The following ERC2 variants were observed in gnomAD, a reference collection of about 807,000 sequenced individuals.
ERC2 encodes ELKS/RAB6-interacting/CAST family member 2.
Under a neutral mutation model 114.8 loss-of-function variants are expected in ERC2, and 42 were observed. The ratio of observed to expected loss-of-function variants is 0.37; its 90% CI spans 0.29 to 0.47. The LOEUF (loss-of-function observed/expected upper bound fraction) is 0.47. Ranked by LOEUF, ERC2 falls within the 20% of genes least tolerant of loss-of-function variation. ERC2 has a pLI of 0.99. For synonymous variants in ERC2, 454 were observed against 425.5 expected (o/e 1.07, Z -0.82); for missense variants, 939 against 1,150.7 (o/e 0.82, Z 2.66).
chr3:56,282,088 C>T (rs1219008086), intron 3 of ERC2, among the ~76,000 whole-genome samples: 1 of 152,126 alleles, frequency 6.6e-6, no homozygotes. Context: ...TCACTTGAGA[C>T]CAAAGAGTAA....
At chr3:55,935,437 C>A (rs1400203356) in intron 13 of ERC2, among the ~76,000 whole-genome samples, 1 of 152,202 alleles carries the variant, frequency 6.6e-6, no homozygotes, top group African/African-American at 2.4e-5. Context: ...GCCCGGCACA[C>A]AGCAGGTGAC....
intron 16 of ERC2, among the ~76,000 whole-genome samples, chr3:55,691,686 T>C (rs1425971652): frequency 6.6e-6 from 1 of 150,566 alleles, no homozygotes; most frequent in East Asian, 1.9e-4. Flanking sequence ...ACTTTTCTTA[T>C]CAGGTTACTA....
At chr3:56,354,713 C>A (rs2058679076) in intron 2 of ERC2, among the ~76,000 whole-genome samples, 1 of 152,146 alleles carries the variant, frequency 6.6e-6, no homozygotes, top group Non-Finnish European at 1.5e-5. Flanking sequence ...CCTAAGTTCC[C>A]AAACACGGGA....
chr3:56,246,093 T>TAAAAAAAAAAA (rs34868223), intron 3 of ERC2, among the ~76,000 whole-genome samples: 1 of 127,626 alleles, frequency 7.8e-6, no homozygotes. Flanking sequence ...TCAGATTCTT[T>TAAAAAAAAAAA]AAAAAAAAAA....
chr3:55,822,711 A>G (rs1009167279), intron 14 of ERC2, among the ~76,000 whole-genome samples: 11 of 106,830 alleles, frequency 1.0e-4, no homozygotes, highest in South Asian at 9.2e-4. Context: ...GACTACAGGC[A>G]CCCGCCACTC....
At chr3:56,145,429 T>C (rs1390390900) in intron 5 of ERC2, among the ~76,000 whole-genome samples, 1 of 152,220 alleles carries the variant, frequency 6.6e-6, no homozygotes, top group Non-Finnish European at 1.5e-5. Context: ...AAAACAATTA[T>C]GTATTTGGTA....
chr3:55,534,289 C>T lies in ERC2; in HGVS notation c.*40-23013G>A, dbSNP rs1258736588. Among the ~76,000 whole-genome samples, 8 of 151,078 alleles carry T rather than the reference C, an allele frequency of 5.3e-5. No individual in the cohort carries two copies. The Admixed American group carries it at 5.3e-4, about 10-fold the overall frequency. ...TAAAAATAAATTAGCCTTAGCCAGG[C>T]GTGGTGGCATATGGCTGTGGTCCCA... On this transcript the variant is annotated intron_variant, in intron 17 of 17. Coordinates refer to ENST00000288221, the MANE Select transcript of ERC2 (RefSeq NM_015576.3).
intron 14 of ERC2, among the ~76,000 whole-genome samples, chr3:55,886,278 A>G (rs2063343532): frequency 6.6e-6 from 1 of 152,214 alleles, no homozygotes; most frequent in South Asian, 2.1e-4. Flanking sequence ...AAAATGCAAA[A>G]AACATCATAT....
intron 6 of ERC2, among the ~76,000 whole-genome samples, chr3:56,136,797 AAG>A (rs1175544444): frequency 6.6e-6 from 1 of 152,154 alleles, no homozygotes; most frequent in Non-Finnish European, 1.5e-5. Context: ...TCCATGTACA[AAG>A]AGATCTTAAA....
At chr3:56,025,144 C>T (rs943838128) in intron 7 of ERC2, among the ~76,000 whole-genome samples, 3 of 152,168 alleles carry the variant, frequency 2.0e-5, no homozygotes, top group South Asian at 2.1e-4. Context: ...CCAATCTCTC[C>T]GTGTCCCTCA....
chr3:56,036,117 C>A lies in ERC2; in HGVS notation c.1642-17086G>T, dbSNP rs1378274234. On this transcript the variant is annotated intron_variant, in intron 7 of 17. Coordinates refer to ENST00000288221, the MANE Select transcript of ERC2 (RefSeq NM_015576.3). ...AAATAAAAGATAAAAATCACAGGAT[C>A]ATCCCAATAGATGCAGAAAAAGCAC... is the stretch of plus-strand genomic sequence containing the variant. Among the ~76,000 whole-genome samples the A allele has an allele frequency of 2.0e-5, 3 of 152,166 alleles. No individual in the cohort carries two copies. In the East Asian group the frequency reaches 5.8e-4, roughly 29 times the overall value.
At chr3:56,288,259 A>T (rs1279143340) in intron 3 of ERC2, among the ~76,000 whole-genome samples, 1 of 152,158 alleles carries the variant, frequency 6.6e-6, no homozygotes, top group African/African-American at 2.4e-5. Flanking sequence ...ACAAATGATG[A>T]TGATGATAAA....
intron 3 of ERC2, among the ~76,000 whole-genome samples, chr3:56,272,405 T>G (rs531507883): frequency 1.3e-5 from 2 of 152,360 alleles, no homozygotes; most frequent in African/African-American, 4.8e-5. Context: ...AACCACCATT[T>G]TCCCATCCTT....
chr3:55,987,966 C>T (rs1181748194), intron 11 of ERC2, among the ~76,000 whole-genome samples: 2 of 152,076 alleles, frequency 1.3e-5, no homozygotes, highest in Non-Finnish European at 2.9e-5. Context: ...CAACAAAATC[C>T]CTAACATATT....
chr3:56,139,722 C>T (rs774135130), intron 5 of ERC2, 46 bp from the exon 6 acceptor site: 6 of 1,539,120 alleles, frequency 3.9e-6, no homozygotes, highest in South Asian at 1.2e-5. Flanking sequence ...ATTGCTGCCC[C>T]TACACTTTAC....
At chr3:56,310,384 T>C (rs565026416) in intron 2 of ERC2, among the ~76,000 whole-genome samples, 1 of 152,338 alleles carries the variant, frequency 6.6e-6, no homozygotes, top group South Asian at 2.1e-4. Context: ...TTAATGCCAA[T>C]GATGTTTTAA....
chr3:55,718,277 C>A (rs2148876968), intron 15 of ERC2, among the ~76,000 whole-genome samples: 1 of 152,154 alleles, frequency 6.6e-6, no homozygotes, highest in South Asian at 2.1e-4. Flanking sequence ...TCAAGAAATT[C>A]AATAATCCCA....
chr3:55,546,353 G>A (rs1160269280), intron 17 of ERC2, among the ~76,000 whole-genome samples: 1 of 152,128 alleles, frequency 6.6e-6, no homozygotes, highest in Non-Finnish European at 1.5e-5. Context: ...ATTTCCCAGT[G>A]AGACCCTCCT....
At chr3:56,086,714 A>C (rs2077523129) in intron 6 of ERC2, among the ~76,000 whole-genome samples, 1 of 152,142 alleles carries the variant, frequency 6.6e-6, no homozygotes, top group Non-Finnish European at 1.5e-5. Flanking sequence ...AAAAATTAGA[A>C]TATCTAGTTC....
Sources: allele counts gnomAD v4.1 joint callset (sites outside exome capture counted in the v4.1 genomes callset), GRCh38; gene constraint gnomAD v4.1.1; transcripts MANE v1.5; gene names NCBI Gene and HGNC (gene_info 2026-07-23, HGNC 2026-07-21).